Variants in LRRC8C observed in about 807,000 individuals in gnomAD.
LRRC8C encodes the protein volume-regulated anion channel subunit LRRC8C.
Under a neutral mutation model 55.3 loss-of-function variants are expected in LRRC8C, and 20 were observed. The ratio of observed to expected loss-of-function variants is 0.36; its 90% confidence interval spans 0.25 to 0.53. LRRC8C has a LOEUF of 0.53. Among genes scored for constraint, LRRC8C ranks in the 20% least tolerant of loss-of-function variants. The pLI is 0.92. For synonymous variants in LRRC8C, 376 were observed against 360.7 expected, an observed-to-expected ratio of 1.04 and a Z score of -0.48; for missense variants, 659 against 951.4, an observed-to-expected ratio of 0.69 and a Z score of 4.04.
At chr1:89,615,835 C>T in the LRRC8C span, among the ~76,000 whole-genome samples, 1 of 152,180 alleles carries the variant, frequency 6.6e-6, no homozygotes, top group Admixed American at 6.5e-5. Context: ...TCTCTATCTC[C>T]AGGTTCCCAT....
intron 1 of LRRC8C, among the ~76,000 whole-genome samples, chr1:89,678,433 G>A (rs1570717301): frequency 6.6e-6 from 1 of 152,202 alleles, no homozygotes; most frequent in African/African-American, 2.4e-5. Flanking sequence ...GGGCATGGTG[G>A]CCCCTGCCTC....
chr1:89,643,009 CTG>C (rs1462868493), intron 1 of LRRC8C, among the ~76,000 whole-genome samples: 17 of 118,610 alleles, frequency 1.4e-4, no homozygotes, highest in Admixed American at 3.9e-4. Context: ...GAGAGTGAGA[CTG>C]TGTCTCAAAA....
At chr1:89,680,099 AGTCTC>A (rs1174976103) in intron 1 of LRRC8C, among the ~76,000 whole-genome samples, 1 of 143,984 alleles carries the variant, frequency 6.9e-6, no homozygotes, top group African/African-American at 2.6e-5. Context: ...TTTGAGATGG[AGTCTC>A]GCTCTGTCAC....
At chr1:89,702,202 C>T (rs1481183232) in intron 2 of LRRC8C, among the ~76,000 whole-genome samples, 2 of 151,554 alleles carry the variant, frequency 1.3e-5, no homozygotes, top group African/African-American at 4.9e-5. Context: ...CTCTGGGGGG[C>T]TGGGGGCTGG....
chr1:89,678,657 G>A (rs533440808), intron 1 of LRRC8C, among the ~76,000 whole-genome samples: 3 of 150,042 alleles, frequency 2.0e-5, no homozygotes, highest in Admixed American at 6.7e-5. Context: ...CCAAGATCGC[G>A]CCATTGCACT....
rs576635520 is a variant in LRRC8C at position 89,643,840 on chromosome 1, C to T, written c.-5+10518C>T. On this transcript the variant is annotated intron_variant, in intron 1 of 2. Transcript: ENST00000370454. ...TATTCTGAAGAATATAGTCCCTCACCCTCTAAAACCGGGCTTCTGACATAC... is the reference window on the plus strand; with the variant it reads ...TATTCTGAAGAATATAGTCCCTCACTCTCTAAAACCGGGCTTCTGACATAC... Among the ~76,000 whole-genome samples the T allele has an allele frequency of 5.9e-5, 9 of 152,214 alleles. No individual in the cohort carries two copies. The East Asian group carries it at 1.5e-3, about 26-fold the overall frequency.
intron 2 of LRRC8C, among the ~76,000 whole-genome samples, chr1:89,702,653 A>G (rs1658365255): frequency 6.6e-6 from 1 of 152,078 alleles, no homozygotes; most frequent in African/African-American, 2.4e-5. Context: ...TCCCAGCTAC[A>G]TGGCAGGCTG....
intron 2 of LRRC8C, among the ~76,000 whole-genome samples, chr1:89,692,818 C>T (rs932957179): frequency 3.3e-5 from 5 of 152,206 alleles, no homozygotes; most frequent in African/African-American, 9.6e-5. Context: ...AAAAACTCAA[C>T]ACATTCAACA....
At chr1:89,632,664 A>T (rs1570681561), upstream of LRRC8C, 1 of 152,242 alleles carries the variant, frequency 6.6e-6, no homozygotes, top group South Asian at 2.1e-4. Flanking sequence ...TACCCAGGGG[A>T]GGAGCTGCGG....
chr1:89,690,423 CAT>C (rs1017478699), intron 2 of LRRC8C, among the ~76,000 whole-genome samples: 6 of 152,070 alleles, frequency 3.9e-5, no homozygotes, highest in African/African-American at 1.4e-4. Flanking sequence ...AGGAAGGTGA[CAT>C]AGATTAGCGG....
intron 2 of LRRC8C, among the ~76,000 whole-genome samples, chr1:89,694,058 A>G (rs913209872): frequency 4.6e-5 from 7 of 152,122 alleles, no homozygotes; most frequent in Non-Finnish European, 1.0e-4. Context: ...ATAATTGTAA[A>G]GAGCAACCTT....
chr1:89,632,333 T>C (rs930467092), upstream of LRRC8C: 3 of 152,268 alleles, frequency 2.0e-5, no homozygotes, highest in East Asian at 5.8e-4. Flanking sequence ...AACTCCTTTA[T>C]GCGGGAGCTG....
chr1:89,709,756 T>G (rs534469144), intron 2 of LRRC8C, among the ~76,000 whole-genome samples: 31 of 87,398 alleles, frequency 3.5e-4, no homozygotes, highest in African/African-American at 1.0e-3. Flanking sequence ...TTTTTGTTTG[T>G]TTTTTTTTTG....
In LRRC8C at chr1:89,714,022, G is replaced by A. The variant is rs940215975; in HGVS notation, c.1452G>A (p.Ala484=). 2.4e-5 allele frequency: 39 copies of A among 1,613,280 alleles called. No homozygotes were observed. The highest frequency in any genetic ancestry group is 3.3e-5 in the South Asian group (3 of 91,080). The part of the protein sequence containing the change: ...LHQCSVKIHS[A]ALSFLKENLK... ...AGTGTTCTGTCAAAATCCACAGTGC[G>A]GCGCTCTCTTTCCTGAAGGAAAACC... The change falls in exon 3 of 3, where the codon GCG becomes GCA. Residue 484 remains alanine, a synonymous_variant. Transcript: ENST00000370454. The surrounding 1 kb of genome is among the most constrained non-coding windows in gnomAD (Gnocchi z 4.6).
At chr1:89,697,787 A>AT (rs1183809961) in intron 2 of LRRC8C, among the ~76,000 whole-genome samples, 2 of 151,960 alleles carry the variant, frequency 1.3e-5, no homozygotes, top group African/African-American at 2.4e-5. Context: ...TTTCTGAAAA[A>AT]TTTTTTTTGT....
At chr1:89,625,641 G>C in the LRRC8C span, among the ~76,000 whole-genome samples, 1 of 152,150 alleles carries the variant, frequency 6.6e-6, no homozygotes, top group Non-Finnish European at 1.5e-5. Flanking sequence ...AACATACAAA[G>C]CACCGTCTAC....
At chr1:89,710,616 T>A (rs1448522814) in intron 2 of LRRC8C, among the ~76,000 whole-genome samples, 1 of 152,238 alleles carries the variant, frequency 6.6e-6, no homozygotes, top group Non-Finnish European at 1.5e-5. Context: ...ACATTTGTTG[T>A]TCTTACCTGC....
the LRRC8C span, among the ~76,000 whole-genome samples, chr1:89,617,018 A>G: frequency 2.6e-5 from 4 of 152,264 alleles, no homozygotes; most frequent in Admixed American, 6.5e-5. Context: ...CTCTGTTGCT[A>G]TGTTTTACTG....
chr1:89,640,076 C>A (rs976442091), intron 1 of LRRC8C, among the ~76,000 whole-genome samples: 2 of 152,112 alleles, frequency 1.3e-5, no homozygotes, highest in African/African-American at 4.8e-5. Flanking sequence ...ATGTATTTTT[C>A]TTTTTTGAGA....
Sources: gnomAD v4.1 joint callset for allele counts (sites outside exome capture counted in the v4.1 genomes callset) on GRCh38, gnomAD v4.1.1 for gene constraint, Gnocchi (gnomAD v3.1) non-coding constraint, MANE v1.5 for transcripts, NCBI Gene and HGNC (gene_info 2026-07-23, HGNC 2026-07-21) for gene names.